The following PARD3 variants were observed in gnomAD, a reference collection of about 807,000 sequenced individuals.
The protein encoded by PARD3 is par-3 family cell polarity regulator, also known as partitioning defective 3 homolog.
In PARD3, 75 loss-of-function variants were observed where a neutral mutation model predicts 155.4. That is an observed-to-expected ratio of 0.48 (90% CI 0.40 to 0.58). The LOEUF (loss-of-function observed/expected upper bound fraction) is 0.58, where lower values mean the gene tolerates loss of function less well. Ranked by LOEUF, PARD3 falls within the 20% of genes least tolerant of loss-of-function variation. PARD3 has a pLI of 0.00. For missense variants in PARD3, 1,642 were observed against 1,721.7 expected (o/e 0.95, Z 0.82); for synonymous variants, 576 against 610.5 (o/e 0.94, Z 0.83).
intron 2 of PARD3, among the ~76,000 whole-genome samples, chr10:34,576,181 A>G (rs1040869241): frequency 2.6e-5 from 4 of 152,242 alleles, no homozygotes; most frequent in African/African-American, 9.6e-5. Flanking sequence ...ATGATAAAGT[A>G]TAACAAAAGA....
At chr10:34,812,545 C>G (rs1431555948) in intron 1 of PARD3, among the ~76,000 whole-genome samples, 1 of 152,186 alleles carries the variant, frequency 6.6e-6, no homozygotes, top group Non-Finnish European at 1.5e-5. Flanking sequence ...AAAAATTAAT[C>G]TTAATCATTG....
chr10:34,364,070 C>CA (rs1839719952), intron 12 of PARD3, among the ~76,000 whole-genome samples: 1 of 152,030 alleles, frequency 6.6e-6, no homozygotes, highest in African/African-American at 2.4e-5. Context: ...AATCACAGTC[C>CA]AAAAAACTGA....
chr10:34,550,049 C>A (rs189900417), intron 2 of PARD3, among the ~76,000 whole-genome samples: 1 of 152,128 alleles, frequency 6.6e-6, no homozygotes, highest in East Asian at 1.9e-4. Context: ...TGGCCGACTA[C>A]GTTAAAAGAA....
chr10:34,399,205 T>C, intron 7 of PARD3, 125 bp downstream of exon 7: 1 of 691,736 alleles, frequency 1.4e-6, no homozygotes. Context: ...GAAGGAGCAG[T>C]TGCCTCCAAA....
At chr10:34,300,941 A>C (rs1041156129) in intron 20 of PARD3, among the ~76,000 whole-genome samples, 2 of 152,230 alleles carry the variant, frequency 1.3e-5, no homozygotes, top group Non-Finnish European at 2.9e-5. Context: ...TTTTTCCTGC[A>C]ACTTTTGTTA....
chr10:34,268,459 G>T (rs1228153353), intron 22 of PARD3, among the ~76,000 whole-genome samples: 1 of 94,048 alleles, frequency 1.1e-5, no homozygotes, highest in Non-Finnish European at 2.1e-5. Context: ...AAATCATGCT[G>T]CTATAAAGAC....
rs769959362 is a variant in PARD3, at chr10:34,134,720, G to GCCAT, written c.3420-3138_3420-3137insATGG. Among the ~76,000 whole-genome samples, 1,165 of 152,316 alleles carry GCCAT rather than the reference G, an allele frequency of 7.6e-3. 5 individuals are homozygous for GCCAT. Among genetic ancestry groups the GCCAT allele is most frequent in the Admixed American group, 0.013 (200 of 15,304 alleles). Reference sequence around the variant, plus strand: ...AGACTGGCAAAACCACTTAATGGCTGAAGTTGGAAAACAGGCTGCAATGGT... The same window carrying GCCAT: ...AGACTGGCAAAACCACTTAATGGCTGCCATAAGTTGGAAAACAGGCTGCAATGGT... On this transcript the variant is annotated intron_variant, in intron 22 of 24. Transcript: ENST00000374788.
In PARD3 at chr10:34,251,338, C is replaced by T. The variant is rs567016101; in HGVS notation, c.3419+18319G>A. Among the ~76,000 whole-genome samples the T allele has an allele frequency of 4.6e-5, 7 of 152,252 alleles. No homozygotes were observed. In the South Asian group the frequency reaches 6.2e-4, roughly 14 times the overall value. On this transcript the variant is annotated intron_variant, in intron 22 of 24. Coordinates refer to ENST00000374788, the MANE Select transcript of PARD3 (RefSeq NM_001184785.2). ...TGCCCTTAGAACTCAAGAACAAAGA[C>T]GACGGTGATGGTAGTGGTGGCATCA...
chr10:34,778,017 G>T (rs781053396), intron 1 of PARD3, among the ~76,000 whole-genome samples: 2 of 152,148 alleles, frequency 1.3e-5, no homozygotes, highest in Non-Finnish European at 2.9e-5. Context: ...AGCCTTCAGA[G>T]GTACCACTGT....
At chr10:34,171,128 ACTAT>A (rs1345589782) in intron 22 of PARD3, among the ~76,000 whole-genome samples, 1 of 152,220 alleles carries the variant, frequency 6.6e-6, no homozygotes, top group Admixed American at 6.5e-5. Flanking sequence ...GTTTATACAC[ACTAT>A]CCATCCATCA....
At chr10:34,440,367 A>G (rs1230306652) in intron 5 of PARD3, among the ~76,000 whole-genome samples, 1 of 152,202 alleles carries the variant, frequency 6.6e-6, no homozygotes, top group Non-Finnish European at 1.5e-5. Context: ...ATGGGTGGGA[A>G]TAAAGAGAGT....
intron 1 of PARD3, among the ~76,000 whole-genome samples, chr10:34,792,031 G>A (rs1290557997): frequency 6.6e-6 from 1 of 152,102 alleles, no homozygotes; most frequent in African/African-American, 2.4e-5. Context: ...CACCTCCCAG[G>A]ATGCATCACG....
intron 2 of PARD3, among the ~76,000 whole-genome samples, chr10:34,680,984 T>C (rs1033442712): frequency 6.3e-5 from 8 of 126,588 alleles, no homozygotes; most frequent in African/African-American, 2.2e-4. Flanking sequence ...TAAAGTATAA[T>C]AAAAAAAAAA....
chr10:34,536,310 C>A, intron 2 of PARD3, among the ~76,000 whole-genome samples: 1 of 152,120 alleles, frequency 6.6e-6, no homozygotes, highest in East Asian at 1.9e-4. Context: ...TCTACAGTGA[C>A]TACAGTGACT....
At chr10:34,321,679 C>A (rs1958388236) in intron 19 of PARD3, among the ~76,000 whole-genome samples, 1 of 152,132 alleles carries the variant, frequency 6.6e-6, no homozygotes, top group African/African-American at 2.4e-5. Context: ...TACCTAATTA[C>A]CATGTTTTCA....
rs35717875 is a variant in PARD3, at chr10:34,696,995, GACACACAC to G, written c.121-584_121-577del. On this transcript the variant is annotated intron_variant, in intron 1 of 24. Coordinates refer to ENST00000374788, the MANE Select transcript of PARD3 (RefSeq NM_001184785.2). The stretch of plus-strand genomic sequence containing the variant: ...GAGCCTCTTTTTACAGAGACAAAAT[GACACACAC>G]ACACACACACACACACATATTAAAA... Among the ~76,000 whole-genome samples, 1,339 of 143,970 alleles carry G rather than the reference GACACACAC, an allele frequency of 9.3e-3. 11 individuals are homozygous for G. The highest frequency in any genetic ancestry group is 0.032 in the African/African-American group (1,270 of 39,110). The allele number at this position is 143,970 out of a possible 152,430, so 94.4% of individuals were successfully genotyped here.
chr10:34,413,368 C>T (rs919187285), intron 5 of PARD3, among the ~76,000 whole-genome samples: 11 of 151,482 alleles, frequency 7.3e-5, no homozygotes, highest in African/African-American at 2.4e-4. Flanking sequence ...AAAGTGGGTT[C>T]AGAAGCCTTT....
chr10:34,458,978 A>C (rs1156235270), intron 4 of PARD3, among the ~76,000 whole-genome samples: 15 of 152,186 alleles, frequency 9.9e-5, no homozygotes, highest in Admixed American at 9.8e-4. Context: ...AAGAATAAAT[A>C]AATAAATATT....
chr10:34,615,585 GC>G (rs2091197944), intron 2 of PARD3, among the ~76,000 whole-genome samples: 1 of 152,054 alleles, frequency 6.6e-6, no homozygotes, highest in South Asian at 2.1e-4. Flanking sequence ...TGCAACAAAA[GC>G]AAAAATAGAC....
Sources: gnomAD v4.1 joint callset for allele counts (sites outside exome capture counted in the v4.1 genomes callset) on GRCh38, gnomAD v4.1.1 for gene constraint, MANE v1.5 for transcripts, NCBI Gene and HGNC (gene_info 2026-07-23, HGNC 2026-07-21) for gene names.